The following CCPG1 variants were observed in gnomAD, a reference collection of about 807,000 sequenced individuals.
CCPG1 encodes the protein cell cycle progression 1, also known as cell cycle progression protein 1.
A neutral mutation model predicts 81.3 loss-of-function variants in CCPG1; 46 were observed. The observed-to-expected ratio is 0.57, with a 90% CI of 0.45 to 0.72. CCPG1 has a LOEUF of 0.72. Among genes scored for constraint, CCPG1 ranks in the 30% least tolerant of loss-of-function variants. The pLI, the probability that CCPG1 is intolerant of heterozygous loss-of-function variation, is 0.00. For missense variants in CCPG1, 902 were observed against 937.6 expected (o/e 0.96, Z 0.50); for synonymous variants, 330 against 305.2 (o/e 1.08, Z -0.85).
chr15:55,382,159 G>A (rs2056711696), intron 3 of CCPG1, among the ~76,000 whole-genome samples: 2 of 152,152 alleles, frequency 1.3e-5, no homozygotes, highest in Admixed American at 1.3e-4. Context: ...TGGAGTAGCT[G>A]GGGCAATTTC....
At chr15:55,394,917 CCTCT>C (rs1389882698) in intron 1 of CCPG1, among the ~76,000 whole-genome samples, 3 of 152,006 alleles carry the variant, frequency 2.0e-5, no homozygotes, top group Admixed American at 2.0e-4. Flanking sequence ...CTTCCTCACC[CCTCT>C]CTAATTCCTG....
rs556611354 is a variant in CCPG1, at chr15:55,369,203, C to T, written c.706+2590G>A. 2.6e-5 allele frequency among the ~76,000 whole-genome samples: 4 copies of T among 152,032 alleles called. No homozygotes were observed. In the East Asian group the frequency reaches 7.8e-4, roughly 30 times the overall value. On this transcript the variant is annotated intron_variant, in intron 6 of 8. Transcript: ENST00000442196. ...AGAAAATTCAAAACGGCTCTGAAAT[C>T]AACTCCAAAGAATGTTGAGATCAGT...
Position 55,359,322 on chromosome 15 carries a change from T to G in CCPG1, c.2234+217A>C, listed in dbSNP as rs111616423. On this transcript the variant is annotated intron_variant, in intron 8 of 8. Coordinates refer to ENST00000442196, the MANE Select transcript of CCPG1 (RefSeq NM_001204450.2). ...TTAAGATAAAAATTAAACCATTTGC[T>G]CAAGTCAAAGTGATCACGTTATAAT... 52 of 1,236,808 alleles carry G rather than the reference T, an allele frequency of 4.2e-5. 1 individual carries two copies. The African/African-American group carries it at 6.5e-4, about 15-fold the overall frequency. 76.6% of individuals were successfully genotyped at this position (1,236,808 alleles called of 1,614,324 possible). A position where few individuals can be genotyped will look rare whatever the true frequency, so the allele number is the denominator to read the frequency against.
chr15:55,389,337 A>G (rs905309967), intron 2 of CCPG1, 28 bp downstream of exon 2: 2 of 1,456,618 alleles, frequency 1.4e-6, no homozygotes, highest in African/African-American at 1.4e-5. Flanking sequence ...ATTACAAATT[A>G]CCTTATAAAA....
chr15:55,406,436 C>CTTTTTTTTTTTTTTTTTTT (rs143238270), intron 1 of CCPG1, among the ~76,000 whole-genome samples: 16 of 126,276 alleles, frequency 1.3e-4, no homozygotes, highest in East Asian at 2.3e-4. Flanking sequence ...TTCTTTTTCT[C>CTTTTTTTTTTTTTTTTTTT]TTTTTTTTTT....
Position 55,360,929 on chromosome 15 carries a change from G to C in CCPG1, c.844C>G (p.Leu282Val). 6 of 1,535,686 alleles carry C rather than the reference G, an allele frequency of 3.9e-6. No individual in the cohort carries two copies. Among genetic ancestry groups the C allele is most frequent in the Non-Finnish European group, 5.2e-6 (6 of 1,146,090 alleles). ...FIDYKSLKEN[L>V]ARCWTLTEAE... ...TCAGTAAGTGTCCAACACCTTGCAA[G>C]ATTTTCTTTCAATGACTACATTTTT... The change falls in exon 8 of 9, where the codon CTT (leucine) becomes GTT (valine). Residue 282 changes from leucine to valine, a missense_variant. Coordinates refer to ENST00000442196, the MANE Select transcript of CCPG1 (RefSeq NM_001204450.2).
intron 7 of CCPG1, 39 bp from the exon 8 acceptor site, chr15:55,360,983 A>G (rs8042642): frequency 0.1 from 151,138 of 1,459,398 alleles, 12,371 homozygotes; most frequent in African/African-American, 0.44. Context: ...AAAATGTCAA[A>G]TGCTTTAAAA....
intron 2 of CCPG1, among the ~76,000 whole-genome samples, chr15:55,389,067 T>TAAAAAAAA (rs765502316): frequency 3.2e-4 from 7 of 21,568 alleles, no homozygotes; most frequent in African/African-American, 6.6e-4. Context: ...AGACTCTGTC[T>TAAAAAAAA]CAAAAAAAAA....
chr15:55,407,819 C>T (rs2057266885), intron 1 of CCPG1: 1 of 152,328 alleles, frequency 6.6e-6, no homozygotes, highest in South Asian at 2.1e-4. Flanking sequence ...GCATTAAACC[C>T]GGCAGGGTGA....
At chr15:55,407,587 T>C (rs2057261741) in intron 1 of CCPG1, among the ~76,000 whole-genome samples, 1 of 152,136 alleles carries the variant, frequency 6.6e-6, no homozygotes, top group African/African-American at 2.4e-5. Flanking sequence ...GTGCTAAACA[T>C]AAACAACGCG....
At chr15:55,357,497 T>A (rs554786860) in intron 8 of CCPG1, 1 of 908,632 alleles carries the variant, frequency 1.1e-6, no homozygotes, top group East Asian at 1.2e-4. Flanking sequence ...GATTGAGGTT[T>A]CCGTTACCTG....
At chr15:55,370,318 T>C (rs1049096098) in intron 6 of CCPG1, among the ~76,000 whole-genome samples, 8 of 152,202 alleles carry the variant, frequency 5.3e-5, no homozygotes, top group Non-Finnish European at 1.0e-4. Flanking sequence ...GTTAAGACTG[T>C]GGATTATGCA....
At position 55,365,284 on chromosome 15, in the gene CCPG1, T is replaced by C. The variant is rs776883716; in HGVS notation, c.732A>G (p.Gln244=). 13 of 1,542,618 alleles carry C rather than the reference T, an allele frequency of 8.4e-6. No individual in the cohort carries two copies. In the African/African-American group the frequency reaches 1.4e-4, roughly 16 times the overall value. The change falls in exon 7 of 9, where the codon CAA becomes CAG. Residue 244 remains glutamine (Q), a synonymous_variant. Transcript: ENST00000442196. ...CTTCATGTATCTTTCTGACTAACTG[T>C]TGACGCTTCTGAATCTGAATTGTGC... ...FYGTIQIQKR[Q]QLVRKIHEDE... is the part of the protein sequence containing the mutation.
chr15:55,374,961 G>A (rs187075773), intron 5 of CCPG1, among the ~76,000 whole-genome samples: 5 of 152,238 alleles, frequency 3.3e-5, no homozygotes, highest in East Asian at 3.9e-4. Context: ...CAAAGTGCCC[G>A]GCCCCAAAAC....
At chr15:55,372,112 T>C (rs767424907) in intron 5 of CCPG1, 68 bp from the exon 6 acceptor site, 1 of 1,468,762 alleles carries the variant, frequency 6.8e-7, no homozygotes, top group East Asian at 2.3e-5. Context: ...AAAAATTATT[T>C]AGAATAATCA....
At chr15:55,392,931 T>C (rs1344223847) in intron 1 of CCPG1, among the ~76,000 whole-genome samples, 1 of 152,086 alleles carries the variant, frequency 6.6e-6, no homozygotes, top group South Asian at 2.1e-4. Context: ...GATGAAACCC[T>C]GTCTCTACTA....
In CCPG1 at chr15:55,357,276, ACTTT is replaced by A. The variant is rs554382828; in HGVS notation, c.2235-871_2235-868del. 32 of 977,176 alleles carry A rather than the reference ACTTT, an allele frequency of 3.3e-5. No homozygotes were observed. The South Asian group carries it at 1.3e-3, about 39-fold the overall frequency. The allele number at this position is 977,176 out of a possible 1,614,324, so 60.5% of individuals were successfully genotyped here. ...ACCCAGAAATCTAGAAGTCACTGTT[ACTTT>A]CTACTTCTCCTTCACAAGAAATATC... On this transcript the variant is annotated intron_variant, in intron 8 of 8. Transcript: ENST00000442196.
At chr15:55,380,289 T>G (rs184186807) in intron 3 of CCPG1, among the ~76,000 whole-genome samples, 1,485 of 135,832 alleles carry the variant, frequency 0.011, 18 homozygotes, top group African/African-American at 0.048. Flanking sequence ...TTTCTTTTTG[T>G]TTTTTTTTTG....
chr15:55,360,549 T>TA lies in CCPG1; in HGVS notation c.1223dup (p.Leu408PhefsTer13), dbSNP rs764406818. 2 of 1,614,164 alleles carry TA rather than the reference T, an allele frequency of 1.2e-6. No individual in the cohort carries two copies. Among genetic ancestry groups the TA allele is most frequent in the Non-Finnish European group, 8.5e-7 (1 of 1,180,030 alleles). On this transcript the variant is annotated frameshift_variant, in exon 8 of 9. Transcript: ENST00000442196. LOFTEE classifies it high-confidence loss of function. Reference sequence around the variant, plus strand: ...CATTGGGAGAATCTGACTTGCCATGTAACTGACTACCACTTAACTGCTGGA... The same window carrying TA: ...CATTGGGAGAATCTGACTTGCCATGTAAACTGACTACCACTTAACTGCTGGA...
Sources: allele counts gnomAD v4.1 joint callset (sites outside exome capture counted in the v4.1 genomes callset), GRCh38; gene constraint gnomAD v4.1.1; transcripts MANE v1.5; gene names NCBI Gene and HGNC (gene_info 2026-07-23, HGNC 2026-07-21).